The following CCDC7 variants were observed in gnomAD, a reference collection of about 807,000 sequenced individuals.
The protein encoded by CCDC7 is coiled-coil domain containing 7, also known as coiled-coil domain-containing protein 7.
A neutral mutation model predicts 196.9 loss-of-function variants in CCDC7; 183 were observed. The observed-to-expected ratio is 0.93, with a 90% CI of 0.82 to 1.05. The LOEUF (loss-of-function observed/expected upper bound fraction) is 1.05, where lower values mean the gene tolerates loss of function less well. Among genes scored for constraint, CCDC7 ranks in the 50% least tolerant of loss-of-function variants. CCDC7 has a pLI of 0.00. For missense variants in CCDC7, 1,540 were observed against 1,482.2 expected (o/e 1.04, Z -0.64); for synonymous variants, 525 against 484.6 (o/e 1.08, Z -1.10).
At chr10:32,560,060 G>GA (rs1198758568) in intron 13 of CCDC7, among the ~76,000 whole-genome samples, 4 of 152,224 alleles carry the variant, frequency 2.6e-5, no homozygotes, top group African/African-American at 9.6e-5. Context: ...TCAACTGGAA[G>GA]AAAGGGTATC....
intron 28 of CCDC7, among the ~76,000 whole-genome samples, chr10:32,752,185 CATGGA>C (rs2133496152): frequency 6.6e-6 from 1 of 152,132 alleles, no homozygotes; most frequent in East Asian, 1.9e-4. Flanking sequence ...TACTTAAGTC[CATGGA>C]ATAAGCACTA....
intron 41 of CCDC7, among the ~76,000 whole-genome samples, chr10:32,875,325 G>A (rs1299814088): frequency 6.6e-6 from 1 of 152,012 alleles, no homozygotes; most frequent in Non-Finnish European, 1.5e-5. Context: ...GTTTAAGGAA[G>A]GGGTCCAGTT....
intron 29 of CCDC7, among the ~76,000 whole-genome samples, chr10:32,779,879 A>T (rs1481846418): frequency 1.3e-5 from 2 of 152,220 alleles, no homozygotes; most frequent in Non-Finnish European, 2.9e-5. Context: ...GTGCTCCAGC[A>T]AAAGCCAGTA....
intron 18 of CCDC7, among the ~76,000 whole-genome samples, chr10:32,584,553 C>T (rs187005037): frequency 1.8e-3 from 272 of 150,354 alleles, no homozygotes; most frequent in Middle Eastern, 0.014. Context: ...GTCAGGAGTT[C>T]GAGCCCAGCC....
intron 20 of CCDC7, among the ~76,000 whole-genome samples, chr10:32,658,398 G>A (rs1424774789): frequency 2.6e-5 from 4 of 151,964 alleles, no homozygotes; most frequent in Non-Finnish European, 5.9e-5. Flanking sequence ...TTCACAAGGT[G>A]GCAGGAGAGA....
intron 20 of CCDC7, among the ~76,000 whole-genome samples, chr10:32,636,091 TCTA>T (rs1168145655): frequency 6.6e-6 from 1 of 152,212 alleles, no homozygotes; most frequent in Non-Finnish European, 1.5e-5. Flanking sequence ...CTAGTTGGTC[TCTA>T]CTAATAGTTT....
chr10:32,699,547 A>G (rs1333081529), intron 24 of CCDC7, among the ~76,000 whole-genome samples: 1 of 149,228 alleles, frequency 6.7e-6, no homozygotes, highest in African/African-American at 2.6e-5. Context: ...AGCATGATTT[A>G]TAATCCTTTG....
chr10:32,607,479 A>G (rs958408318), intron 18 of CCDC7, among the ~76,000 whole-genome samples: 10 of 152,290 alleles, frequency 6.6e-5, no homozygotes, highest in African/African-American at 2.4e-4. Flanking sequence ...CATATGTAGC[A>G]TTTATTGTGT....
At chr10:32,867,769 A>G (rs541216915) in intron 41 of CCDC7, among the ~76,000 whole-genome samples, 1 of 151,858 alleles carries the variant, frequency 6.6e-6, no homozygotes, top group East Asian at 1.9e-4. Flanking sequence ...GTAAACATAC[A>G]TTACATAAAG....
chr10:32,685,563 G>GTA (rs1172143411), intron 21 of CCDC7, among the ~76,000 whole-genome samples: 2 of 152,084 alleles, frequency 1.3e-5, no homozygotes, highest in Non-Finnish European at 2.9e-5. Flanking sequence ...GAACTTTATG[G>GTA]TATATACATT....
chr10:32,599,166 G>A (rs1009480249), intron 18 of CCDC7, among the ~76,000 whole-genome samples: 3 of 152,050 alleles, frequency 2.0e-5, no homozygotes, highest in Admixed American at 6.6e-5. Flanking sequence ...TGTACTGCTC[G>A]TCTTTGTTGT....
At chr10:32,857,527 C>A (rs1329234653) in intron 41 of CCDC7, among the ~76,000 whole-genome samples, 1 of 151,940 alleles carries the variant, frequency 6.6e-6, no homozygotes, top group Non-Finnish European at 1.5e-5. Context: ...TCCTGAACAA[C>A]CAACCAGTAG....
intron 20 of CCDC7, among the ~76,000 whole-genome samples, chr10:32,651,814 G>C (rs1452956765): frequency 6.6e-6 from 1 of 152,174 alleles, no homozygotes; most frequent in African/African-American, 2.4e-5. Flanking sequence ...GAATGTTTCT[G>C]GTCAGAGATG....
intron 15 of CCDC7, among the ~76,000 whole-genome samples, chr10:32,571,004 G>C (rs2947082): frequency 0.17 from 19,770 of 113,406 alleles, 1,688 homozygotes; most frequent in East Asian, 0.32. Context: ...AAGGTCACTG[G>C]CCTTTTTTTT....
At chr10:32,747,742 G>A (rs1175335640) in intron 28 of CCDC7, among the ~76,000 whole-genome samples, 1 of 152,068 alleles carries the variant, frequency 6.6e-6, no homozygotes. Flanking sequence ...GAAAAGGGAA[G>A]GCTTATACAC....
At chr10:32,666,517 C>T (rs1195625302) in intron 21 of CCDC7, among the ~76,000 whole-genome samples, 1 of 150,520 alleles carries the variant, frequency 6.6e-6, no homozygotes, top group Non-Finnish European at 1.5e-5. Flanking sequence ...CTAATGCTAT[C>T]GGTCCCCCCT....
intron 20 of CCDC7, among the ~76,000 whole-genome samples, chr10:32,638,882 C>G (rs1218938465): frequency 1.3e-5 from 2 of 152,064 alleles, no homozygotes; most frequent in African/African-American, 2.4e-5. Context: ...GGTTGGTAAG[C>G]TATTAATTAT....
intron 18 of CCDC7, among the ~76,000 whole-genome samples, chr10:32,588,871 A>C (rs941902816): frequency 6.6e-6 from 1 of 151,566 alleles, no homozygotes; most frequent in African/African-American, 2.4e-5. Context: ...TTAGTTTATA[A>C]TTTTTTTCTG....
At chr10:32,607,794 G>A (rs1397551188) in intron 18 of CCDC7, among the ~76,000 whole-genome samples, 2 of 151,860 alleles carry the variant, frequency 1.3e-5, no homozygotes, top group Non-Finnish European at 2.9e-5. Context: ...TTTCTTTTTT[G>A]TTGTATCTTT....
Sources: gnomAD v4.1 joint callset for allele counts (sites outside exome capture counted in the v4.1 genomes callset) on GRCh38, gnomAD v4.1.1 for gene constraint, MANE v1.5 for transcripts, NCBI Gene and HGNC (gene_info 2026-07-23, HGNC 2026-07-21) for gene names.